ALPK2: variants seen among roughly 807,000 people sequenced by gnomAD.
ALPK2 encodes the protein alpha kinase 2.
In ALPK2, 127 loss-of-function variants were observed where a neutral mutation model predicts 163.1. The ratio of observed to expected loss-of-function variants is 0.78; its 90% confidence interval spans 0.67 to 0.90. The LOEUF (loss-of-function observed/expected upper bound fraction) is 0.90, where lower values mean the gene tolerates loss of function less well. Ranked by LOEUF, ALPK2 falls within the 40% of genes least tolerant of loss-of-function variation. ALPK2 has a pLI of 0.00. For missense variants in ALPK2, 2,360 were observed against 2,589.6 expected, an observed-to-expected ratio of 0.91 and a Z score of 1.92; for synonymous variants, 953 against 959.1, an observed-to-expected ratio of 0.99 and a Z score of 0.12.
At chr18:58,589,778 A>G (rs1017521095) in intron 3 of ALPK2, among the ~76,000 whole-genome samples, 6 of 152,202 alleles carry the variant, frequency 3.9e-5, no homozygotes, top group Non-Finnish European at 7.3e-5. Context: ...GGCCTGAAAA[A>G]TGGATAATCC....
intron 3 of ALPK2, among the ~76,000 whole-genome samples, chr18:58,583,750 A>G (rs1186207418): frequency 6.6e-6 from 1 of 151,654 alleles, no homozygotes; most frequent in East Asian, 1.9e-4. Context: ...AAAAAAAAAA[A>G]AAAAGAAAGA....
At chr18:58,597,382 A>G (rs563949056) in intron 3 of ALPK2, among the ~76,000 whole-genome samples, 5 of 152,350 alleles carry the variant, frequency 3.3e-5, no homozygotes, top group Non-Finnish European at 5.9e-5. Flanking sequence ...GCATTTGTTG[A>G]GTACCAGCAC....
At position 58,611,643 on chromosome 18, in the gene ALPK2, T is replaced by G. The variant is rs746209155; in HGVS notation, c.109+46A>C. The stretch of plus-strand genomic sequence containing the variant: ...CCTTTGTGAGCCAAGAAACCTGGTA[T>G]GCAGGGAGATTTTAGAGGGTGATTA... On this transcript the variant is annotated intron_variant, in intron 2 of 12. Coordinates refer to ENST00000361673, the MANE Select transcript of ALPK2 (RefSeq NM_052947.4). The G allele has an allele frequency of 3.9e-6, 6 of 1,529,280 alleles. No homozygotes were observed. The Admixed American group carries it at 7.2e-5, about 18-fold the overall frequency. 94.7% of individuals were successfully genotyped at this position (1,529,280 alleles called of 1,614,324 possible). A position where few individuals can be genotyped will look rare whatever the true frequency, so the allele number is the denominator to read the frequency against.
At chr18:58,498,510 T>C (rs1282005812) in intron 11 of ALPK2, among the ~76,000 whole-genome samples, 2 of 152,162 alleles carry the variant, frequency 1.3e-5, no homozygotes, top group African/African-American at 2.4e-5. Context: ...CCTTACATGA[T>C]GGAAAGAAAA....
intron 1 of ALPK2, among the ~76,000 whole-genome samples, chr18:58,615,760 A>T (rs568097131): frequency 6.6e-6 from 1 of 152,322 alleles, no homozygotes; most frequent in South Asian, 2.1e-4. Flanking sequence ...CTATGGATGG[A>T]GAAGGAGGAA....
intron 4 of ALPK2, among the ~76,000 whole-genome samples, chr18:58,571,089 T>C (rs1354677495): frequency 6.6e-6 from 1 of 152,076 alleles, no homozygotes; most frequent in African/African-American, 2.4e-5. Flanking sequence ...TGGTGCGATA[T>C]CAGCTCACTG....
At chr18:58,484,541 C>T (rs559421816) in intron 12 of ALPK2, among the ~76,000 whole-genome samples, 18 of 152,218 alleles carry the variant, frequency 1.2e-4, no homozygotes, top group Admixed American at 9.2e-4. Flanking sequence ...GTCAAGAGAT[C>T]GCAACCATCC....
At chr18:58,572,339 A>G (rs2051890099) in intron 4 of ALPK2, among the ~76,000 whole-genome samples, 1 of 152,238 alleles carries the variant, frequency 6.6e-6, no homozygotes, top group South Asian at 2.1e-4. Flanking sequence ...ACAGCTGGAC[A>G]GTTTCATTAC....
intron 1 of ALPK2, among the ~76,000 whole-genome samples, chr18:58,612,761 A>G (rs1349804219): frequency 3.9e-5 from 6 of 152,236 alleles, no homozygotes; most frequent in African/African-American, 9.6e-5. Context: ...ACCGGCAGAT[A>G]CAAGCTGGCT....
At chr18:58,491,766 C>T (rs1169500319) in intron 12 of ALPK2, among the ~76,000 whole-genome samples, 3 of 152,234 alleles carry the variant, frequency 2.0e-5, no homozygotes, top group East Asian at 1.9e-4. Flanking sequence ...CTTGATAAAT[C>T]GGCCATGTCC....
intron 3 of ALPK2, among the ~76,000 whole-genome samples, chr18:58,597,670 G>A (rs1404317129): frequency 6.6e-6 from 1 of 152,154 alleles, no homozygotes; most frequent in African/African-American, 2.4e-5. Flanking sequence ...ACCCCCACTG[G>A]CTCATCTTAG....
At chr18:58,485,478 C>A (rs778247823) in intron 12 of ALPK2, among the ~76,000 whole-genome samples, 11 of 152,236 alleles carry the variant, frequency 7.2e-5, no homozygotes, top group African/African-American at 2.7e-4. Flanking sequence ...CCCTCCTCCT[C>A]CTGGCTGGGG....
At chr18:58,538,267 G>T (rs769117736) in intron 4 of ALPK2, 43 bp from the exon 5 acceptor site, 1 of 1,553,022 alleles carries the variant, frequency 6.4e-7, no homozygotes, top group African/African-American at 1.4e-5. Flanking sequence ...GTTCATGGGA[G>T]AGCCCACAAT....
intron 11 of ALPK2, among the ~76,000 whole-genome samples, chr18:58,500,770 CA>C (rs1212975795): frequency 2.1e-5 from 1 of 48,522 alleles, no homozygotes. Context: ...CTAAAAAATA[CA>C]AAAAAATTAA....
chr18:58,609,416 T>C (rs1318044486), intron 2 of ALPK2, among the ~76,000 whole-genome samples: 1 of 152,258 alleles, frequency 6.6e-6, no homozygotes, highest in Non-Finnish European at 1.5e-5. Context: ...TTTAAGACTG[T>C]TTCATCACAC....
At chr18:58,582,210 T>A (rs1310419376) in intron 3 of ALPK2, among the ~76,000 whole-genome samples, 3 of 152,172 alleles carry the variant, frequency 2.0e-5, no homozygotes, top group African/African-American at 7.2e-5. Context: ...TGCGCTCCTG[T>A]CTATTTCACT....
At chr18:58,550,602 C>T (rs2051752218) in intron 4 of ALPK2, among the ~76,000 whole-genome samples, 2 of 143,844 alleles carry the variant, frequency 1.4e-5, no homozygotes, top group Admixed American at 1.4e-4. Flanking sequence ...CCATCCCCAT[C>T]TATATCACAT....
At chr18:58,565,766 CCTTCCTTT>C (rs66833062) in intron 4 of ALPK2, among the ~76,000 whole-genome samples, 17,818 of 114,134 alleles carry the variant, frequency 0.16, 1,454 homozygotes, top group East Asian at 0.44. Context: ...TTCCTTCCTT[CCTTCCTTT>C]CTTTCTTTCT....
rs549680704 is a variant in ALPK2, at chr18:58,481,611, C to G, written c.*212G>C. The G allele has an allele frequency of 2.1e-5, 12 of 582,178 alleles. No homozygotes were observed. Among genetic ancestry groups the G allele is most frequent in the African/African-American group, 1.5e-4 (8 of 53,440 alleles). The allele number at this position is 582,178 out of a possible 1,614,324, so 36.1% of individuals were successfully genotyped here. A position where few individuals can be genotyped will look rare whatever the true frequency, so the allele number is the denominator to read the frequency against. On this transcript the variant is annotated 3_prime_UTR_variant, in exon 13 of 13. Transcript: ENST00000361673. ...CTTTGAGACCAATCGTTGATTCAATCTCCCCATAAACCTGGTCGCAAATCC... is the reference window on the plus strand; with the variant it reads ...CTTTGAGACCAATCGTTGATTCAATGTCCCCATAAACCTGGTCGCAAATCC...
Sources: gnomAD v4.1 joint callset for allele counts (sites outside exome capture counted in the v4.1 genomes callset) on GRCh38, gnomAD v4.1.1 for gene constraint, MANE v1.5 for transcripts, NCBI Gene and HGNC (gene_info 2026-07-23, HGNC 2026-07-21) for gene names.